The following SATB2 variants were observed in gnomAD, a reference collection of about 807,000 sequenced individuals.
The protein encoded by SATB2 is DNA-binding protein SATB2.
SATB2 carries 1 observed loss-of-function variant against 73.4 expected under a neutral mutation model. The ratio of observed to expected loss-of-function variants is 0.01; its 90% CI spans 0.00 to 0.06. The LOEUF is 0.06. Ranked by LOEUF, SATB2 falls within the 10% of genes least tolerant of loss-of-function variation. The pLI is 1.00. For missense variants in SATB2, 459 were observed against 945.8 expected, an observed-to-expected ratio of 0.49 and a Z score of 6.75; for synonymous variants, 397 against 367.0, an observed-to-expected ratio of 1.08 and a Z score of -0.93.
upstream of SATB2, among the ~76,000 whole-genome samples, chr2:199,466,518 G>A (rs189318744): frequency 9.8e-5 from 15 of 152,302 alleles, no homozygotes; most frequent in East Asian, 2.7e-3. Flanking sequence ...TCAGTATCAG[G>A]AAGTTGAGAT....
intron 7 of SATB2, among the ~76,000 whole-genome samples, chr2:199,338,917 T>TAAAAA (rs564809180): frequency 1.6e-5 from 2 of 128,028 alleles, no homozygotes; most frequent in Non-Finnish European, 3.2e-5. Context: ...GACTCTGTCT[T>TAAAAA]AAAAAAAAAA....
At chr2:199,381,629 A>C in intron 4 of SATB2, 65 bp downstream of exon 4, 1 of 1,591,400 alleles carries the variant, frequency 6.3e-7, no homozygotes, top group Non-Finnish European at 8.6e-7. Flanking sequence ...TGATCTTTGC[A>C]GTGAATCTAT....
intron 5 of SATB2, 119 bp from the exon 6 acceptor site, chr2:199,368,826 C>T (rs925928391): frequency 3.2e-6 from 2 of 630,046 alleles, no homozygotes; most frequent in African/African-American, 3.7e-5. Flanking sequence ...AACAGTCACT[C>T]TCCTGTAAAC....
intron 7 of SATB2, chr2:199,347,818 T>C (rs1227909545): frequency 6.6e-6 from 1 of 152,218 alleles, no homozygotes; most frequent in African/African-American, 2.4e-5. Flanking sequence ...ATTATGCACA[T>C]CTGCTTTGTT....
intron 2 of SATB2, among the ~76,000 whole-genome samples, chr2:199,447,275 G>C (rs1339025001): frequency 6.6e-6 from 1 of 152,190 alleles, no homozygotes; most frequent in African/African-American, 2.4e-5. Context: ...GCAATGTTAA[G>C]GACATCGATT....
intron 9 of SATB2, among the ~76,000 whole-genome samples, chr2:199,321,299 A>G (rs1209681967): frequency 6.6e-6 from 1 of 151,842 alleles, no homozygotes; most frequent in African/African-American, 2.4e-5. Flanking sequence ...ATATGTATAG[A>G]CATATATATA....
chr2:199,327,725 C>G (rs1054076538), intron 8 of SATB2, among the ~76,000 whole-genome samples: 2 of 152,054 alleles, frequency 1.3e-5, no homozygotes, highest in Non-Finnish European at 2.9e-5. Flanking sequence ...GAAAAGAATA[C>G]TTTTCAAGTG....
chr2:199,307,261 C>T (rs550187192), intron 10 of SATB2, among the ~76,000 whole-genome samples: 1 of 152,120 alleles, frequency 6.6e-6, no homozygotes, highest in Non-Finnish European at 1.5e-5. Context: ...AGGAGCTTCC[C>T]TAAAACTTTT....
At position 199,381,732 on chromosome 2, in the gene SATB2, A is replaced by G. The variant is rs1559017829; in HGVS notation, c.435T>C (p.Asp145=). Residue 145 remains aspartate (D), a synonymous_variant, in exon 4 of 11, where the codon GAT becomes GAC. Coordinates refer to ENST00000417098, the MANE Select transcript of SATB2 (RefSeq NM_001172509.2). ...PDATVADMLQ[D]VYHVVTLKIQ... is the part of the protein sequence containing the mutation. The stretch of plus-strand genomic sequence containing the variant: ...TTTTCAACGTCACAACATGATAGAC[A>G]TCTTGTAGCATGTCGGCCACTGTCG... 4.3e-6 allele frequency: 7 copies of G among 1,614,134 alleles called. No homozygotes were observed. Among genetic ancestry groups the G allele is most frequent in the Non-Finnish European group, 5.1e-6 (6 of 1,179,968 alleles).
chr2:199,318,708 A>G (rs1223445430), intron 9 of SATB2, among the ~76,000 whole-genome samples: 1 of 152,078 alleles, frequency 6.6e-6, no homozygotes, highest in African/African-American at 2.4e-5. Flanking sequence ...CACAAAATAT[A>G]AATTATTTCT....
chr2:199,278,904 A>T (rs1162762111), intron 10 of SATB2, among the ~76,000 whole-genome samples: 1 of 152,242 alleles, frequency 6.6e-6, no homozygotes, highest in Non-Finnish European at 1.5e-5. Flanking sequence ...AGAATTTTTT[A>T]AAAAGTATAT....
intron 9 of SATB2, among the ~76,000 whole-genome samples, chr2:199,316,808 G>A (rs1687748353): frequency 6.6e-6 from 1 of 151,858 alleles, no homozygotes; most frequent in African/African-American, 2.4e-5. Context: ...TGCATACATG[G>A]GTACATGCAC....
intron 3 of SATB2, among the ~76,000 whole-genome samples, chr2:199,431,795 C>G (rs942787321): frequency 6.6e-6 from 1 of 152,164 alleles, no homozygotes; most frequent in Non-Finnish European, 1.5e-5. Flanking sequence ...ACGCGCTGAA[C>G]GGCTGTGCTA....
At chr2:199,376,751 G>A (rs1689617353) in intron 5 of SATB2, among the ~76,000 whole-genome samples, 1 of 152,122 alleles carries the variant, frequency 6.6e-6, no homozygotes, top group Non-Finnish European at 1.5e-5. Flanking sequence ...TAAGTGCTGT[G>A]ACAGGGTTAT....
chr2:199,390,905 A>G (rs1157773613), intron 3 of SATB2, among the ~76,000 whole-genome samples: 2 of 152,196 alleles, frequency 1.3e-5, no homozygotes, highest in Admixed American at 1.3e-4. Flanking sequence ...CGGTTACATA[A>G]TACCTAATCT....
intron 3 of SATB2, among the ~76,000 whole-genome samples, chr2:199,382,473 T>C (rs536547011): frequency 4.3e-4 from 65 of 152,346 alleles, no homozygotes; most frequent in Middle Eastern, 3.4e-3. Context: ...GTGACAATAG[T>C]ACTTTTTCCC....
At position 199,381,684 on chromosome 2, in the gene SATB2, A is replaced by G. The variant is rs1257456365; in HGVS notation, c.473+10T>C. 5 of 1,614,016 alleles carry G rather than the reference A, an allele frequency of 3.1e-6. No homozygotes were observed. Among genetic ancestry groups the G allele is most frequent in the Non-Finnish European group, 4.2e-6 (5 of 1,179,906 alleles). ...ACAGTAAGGAAAAGCAGATGTTCAGAAACACCCACCTTTGTAATTGGATTT... is the reference window on the plus strand; with the variant it reads ...ACAGTAAGGAAAAGCAGATGTTCAGGAACACCCACCTTTGTAATTGGATTT... On this transcript the variant is annotated intron_variant, in intron 4 of 10. Transcript: ENST00000417098.
In SATB2 at chr2:199,462,959, T is replaced by C. The variant is rs1166709596; in HGVS notation, c.-141+1877A>G. Among the ~76,000 whole-genome samples, 1 of 152,178 alleles carries C rather than the reference T, an allele frequency of 6.6e-6. No homozygotes were observed. The highest frequency in any genetic ancestry group is 1.5e-5 in the Non-Finnish European group (1 of 68,024). ...CCTCAGGCGAGGACGGGGAGCTTTC[T>C]GCACTGGGCTTCCCGGGGTAGGAGA... On this transcript the variant is annotated intron_variant, in intron 1 of 11. Transcript: ENST00000260926. This position sits in a 1 kb window ranked among gnomAD's most constrained non-coding sequence, Gnocchi z 5.9.
intron 9 of SATB2, among the ~76,000 whole-genome samples, chr2:199,317,485 C>G: frequency 6.6e-6 from 1 of 151,966 alleles, no homozygotes; most frequent in East Asian, 1.9e-4. Context: ...ATAATGAACT[C>G]AAAGGTTTCT....
Sources: gnomAD v4.1 joint callset for allele counts (sites outside exome capture counted in the v4.1 genomes callset) on GRCh38, gnomAD v4.1.1 for gene constraint, Gnocchi (gnomAD v3.1) non-coding constraint, MANE v1.5 for transcripts, NCBI Gene and HGNC (gene_info 2026-07-23, HGNC 2026-07-21) for gene names.